Variants in GREM1 observed in about 807,000 individuals in gnomAD.
GREM1 encodes the protein gremlin 1, DAN family BMP antagonist, also known as gremlin-1.
Under a neutral mutation model 13.1 loss-of-function variants are expected in GREM1, and 6 were observed. The ratio of observed to expected loss-of-function variants is 0.46; its 90% CI spans 0.25 to 0.91. The LOEUF is 0.91. Ranked by LOEUF, GREM1 falls within the 40% of genes least tolerant of loss-of-function variation. The probability of loss-of-function intolerance (pLI) is 0.18; values close to 1 mark genes in which losing one functional copy is unlikely to be tolerated. For synonymous variants in GREM1, 98 were observed against 93.7 expected (o/e 1.05, Z -0.27); for missense variants, 185 against 233.9 (o/e 0.79, Z 1.36).
In GREM1 at chr15:32,731,907, G is replaced by T. The variant is rs559977997; in HGVS notation, c.*662G>T. The T allele has an allele frequency of 4.3e-6, 1 of 232,660 alleles. No homozygotes were observed. The highest frequency in any genetic ancestry group is 9.2e-6 in the Non-Finnish European group (1 of 108,458). The allele number at this position is 232,660 out of a possible 1,614,324, so 14.4% of individuals were successfully genotyped here. On this transcript the variant is annotated 3_prime_UTR_variant, in exon 2 of 2. Transcript: ENST00000651154. The stretch of plus-strand genomic sequence containing the variant: ...AGGATAGTGGAGTGAGAAAGGGAGG[G>T]TGGAGGGTGAGGCCAAATCAGGTCC...
At chr15:32,728,164 GA>G (rs1458514312) in intron 1 of GREM1, among the ~76,000 whole-genome samples, 6 of 152,108 alleles carry the variant, frequency 3.9e-5, no homozygotes, top group African/African-American at 1.4e-4. Flanking sequence ...ACTGAAAAAA[GA>G]GCCGGTATAG....
rs916656192 is a variant in GREM1, at chr15:32,738,731, T to G, written c.*7486T>G. ...CCCATAATCCCAGCACTTTGGGAAG[T>G]TGAGGCAGAAGGATCACTTGAGCAC... On this transcript the variant is annotated 3_prime_UTR_variant, in exon 2 of 2. Transcript: ENST00000651154. 1.6e-4 allele frequency: 24 copies of G among 152,196 alleles called. No homozygotes were observed. The highest frequency in any genetic ancestry group is 5.8e-4 in the African/African-American group (24 of 41,436). The allele number at this position is 152,196 out of a possible 1,614,324, so 9.4% of individuals were successfully genotyped here.
At chr15:32,718,553 C>A (rs1188164252) in intron 1 of GREM1, 3 of 440,398 alleles carry the variant, frequency 6.8e-6, no homozygotes, top group South Asian at 1.6e-5. Flanking sequence ...ACCTGCTAGT[C>A]GGCCGCTGAC....
chr15:32,720,368 C>A (rs2055385139), intron 1 of GREM1, among the ~76,000 whole-genome samples: 1 of 152,100 alleles, frequency 6.6e-6, no homozygotes, highest in South Asian at 2.1e-4. Context: ...TCTGAATGGT[C>A]AAGTATTAAA....
In GREM1 at chr15:32,730,810, G is replaced by A. The variant is rs367997246; in HGVS notation, c.120G>A (p.Gln40=). 4.5e-5 allele frequency: 73 copies of A among 1,613,976 alleles called. No homozygotes were observed. The highest frequency in any genetic ancestry group is 5.6e-5 in the Non-Finnish European group (66 of 1,180,006). The change falls in exon 2 of 2, where the codon CAG becomes CAA. Residue 40 remains glutamine, a synonymous_variant. Transcript: ENST00000651154. ...QGAIPPPDKA[Q]HNDSEQTQSP... is the part of the protein sequence containing the mutation. Reference sequence around the variant, plus strand: ...CCATCCCCCCGCCAGACAAGGCCCAGCACAATGACTCAGAGCAGACTCAGT... The same window carrying A: ...CCATCCCCCCGCCAGACAAGGCCCAACACAATGACTCAGAGCAGACTCAGT...
chr15:32,741,708 T>C lies in GREM1; in HGVS notation c.*10463T>C, dbSNP rs1007197213. 1 of 152,208 alleles carries C rather than the reference T, an allele frequency of 6.6e-6. No individual in the cohort carries two copies. The highest frequency in any genetic ancestry group is 1.5e-5 in the Non-Finnish European group (1 of 68,020). The allele number at this position is 152,208 out of a possible 1,614,324, so 9.4% of individuals were successfully genotyped here. A position where few individuals can be genotyped will look rare whatever the true frequency, so the allele number is the denominator to read the frequency against. ...TTTAGCTAGGACTTCCAGCACTAAA[T>C]TGAATAGAAGTGATGAGAGTGGGCA... On this transcript the variant is annotated 3_prime_UTR_variant, in exon 2 of 2. Transcript: ENST00000651154.
rs1040581788 is a variant in GREM1 at position 32,732,041 on chromosome 15, A to T, written c.*796A>T. ...AGTATTTAACAGAACCCAAGTGAAC[A>T]GAGGAGAAATGAGATTGCCAGAAAG... On this transcript the variant is annotated 3_prime_UTR_variant, in exon 2 of 2. Coordinates refer to ENST00000651154, the MANE Select transcript of GREM1 (RefSeq NM_013372.7). 6 of 234,398 alleles carry T rather than the reference A, an allele frequency of 2.6e-5. No individual in the cohort carries two copies. The highest frequency in any genetic ancestry group is 5.5e-5 in the Non-Finnish European group (6 of 109,454). 14.5% of individuals were successfully genotyped at this position (234,398 alleles called of 1,614,324 possible).
chr15:32,740,896 A>C lies in GREM1; in HGVS notation c.*9651A>C, dbSNP rs2055755259. 1 of 152,186 alleles carries C rather than the reference A, an allele frequency of 6.6e-6. No individual in the cohort carries two copies. Among genetic ancestry groups the C allele is most frequent in the African/African-American group, 2.4e-5 (1 of 41,456 alleles). The allele number at this position is 152,186 out of a possible 1,614,324, so 9.4% of individuals were successfully genotyped here. ...TTCAAGTTCATTTCTAAAATCAATC[A>C]TGGTGGCCAAACGGAATGAGCATTC... On this transcript the variant is annotated 3_prime_UTR_variant, in exon 2 of 2. Coordinates refer to ENST00000651154, the MANE Select transcript of GREM1 (RefSeq NM_013372.7).
rs2055735568 is a variant in GREM1, at chr15:32,738,733, G to A, written c.*7488G>A. ...CATAATCCCAGCACTTTGGGAAGTTGAGGCAGAAGGATCACTTGAGCACAG... is the reference window on the plus strand; with the variant it reads ...CATAATCCCAGCACTTTGGGAAGTTAAGGCAGAAGGATCACTTGAGCACAG... On this transcript the variant is annotated 3_prime_UTR_variant, in exon 2 of 2. Coordinates refer to ENST00000651154, the MANE Select transcript of GREM1 (RefSeq NM_013372.7). 1 of 152,234 alleles carries A rather than the reference G, an allele frequency of 6.6e-6. No homozygotes were observed. Among genetic ancestry groups the A allele is most frequent in the African/African-American group, 2.4e-5 (1 of 41,454 alleles). 9.4% of individuals were successfully genotyped at this position (152,234 alleles called of 1,614,324 possible). A position where few individuals can be genotyped will look rare whatever the true frequency, so the allele number is the denominator to read the frequency against.
chr15:32,738,159 G>GAAAAAAAAA lies in GREM1; in HGVS notation c.*6918_*6919insAAAAAAAAA, dbSNP rs2055729455. The GAAAAAAAAA allele has an allele frequency of 2.9e-5, 2 of 69,828 alleles. No individual in the cohort carries two copies. The highest frequency in any genetic ancestry group is 2.9e-5 in the Non-Finnish European group (1 of 34,080). 4.3% of individuals were successfully genotyped at this position (69,828 alleles called of 1,614,324 possible). ...GAAAAGAAAAAAGTCATCCAGATTG[G>GAAAAAAAAA]AAAAGAAATAAAATGATTTCAATTT... On this transcript the variant is annotated 3_prime_UTR_variant, in exon 2 of 2. Coordinates refer to ENST00000651154, the MANE Select transcript of GREM1 (RefSeq NM_013372.7).
chr15:32,722,315 T>A (rs556580154), intron 1 of GREM1, among the ~76,000 whole-genome samples: 1 of 152,372 alleles, frequency 6.6e-6, no homozygotes, highest in East Asian at 1.9e-4. Flanking sequence ...AATAATTTGA[T>A]GTCATGCCTA....
Position 32,735,761 on chromosome 15 carries a change from T to C in GREM1, c.*4516T>C, listed in dbSNP as rs1378847537. On this transcript the variant is annotated 3_prime_UTR_variant, in exon 2 of 2. Coordinates refer to ENST00000651154, the MANE Select transcript of GREM1 (RefSeq NM_013372.7). ...GAGTGGGACTTGACACGGAAGAGCA[T>C]TTCAAGCTTAAGAAAAAAAAAAAAA... 1 of 121,946 alleles carries C rather than the reference T, an allele frequency of 8.2e-6. No individual in the cohort carries two copies. Among genetic ancestry groups the C allele is most frequent in the Admixed American group, 9.1e-5 (1 of 10,970 alleles). The allele number at this position is 121,946 out of a possible 1,614,324, so 7.6% of individuals were successfully genotyped here.
In GREM1 at chr15:32,736,808, C is replaced by G. The variant is rs2055702957; in HGVS notation, c.*5563C>G. On this transcript the variant is annotated 3_prime_UTR_variant, in exon 2 of 2. Transcript: ENST00000651154. The stretch of plus-strand genomic sequence containing the variant: ...ATGGCCCTGCCTGCATGTGGGAATC[C>G]TCATCCAAGTCATACTTTCTAAACA... The G allele has an allele frequency of 1.3e-5, 2 of 152,168 alleles. No individual in the cohort carries two copies. The highest frequency in any genetic ancestry group is 4.8e-5 in the African/African-American group (2 of 41,424). The allele number at this position is 152,168 out of a possible 1,614,324, so 9.4% of individuals were successfully genotyped here.
At chr15:32,718,671 A>C (rs2055345730) in intron 1 of GREM1, 1 of 358,446 alleles carries the variant, frequency 2.8e-6, no homozygotes, top group African/African-American at 2.1e-5. Context: ...CATCCGGAGA[A>C]TCCATGATGT....
chr15:32,732,479 T>C lies in GREM1; in HGVS notation c.*1234T>C, dbSNP rs1172076025. On this transcript the variant is annotated 3_prime_UTR_variant, in exon 2 of 2. Coordinates refer to ENST00000651154, the MANE Select transcript of GREM1 (RefSeq NM_013372.7). ...TTTTGTTTTAACTATTGTCAGGAGA[T>C]TGGGCTAAAGAGAAGACGACGAGAG... The C allele has an allele frequency of 4.1e-6, 1 of 245,226 alleles. No homozygotes were observed. Among genetic ancestry groups the C allele is most frequent in the Non-Finnish European group, 8.6e-6 (1 of 116,294 alleles). 15.2% of individuals were successfully genotyped at this position (245,226 alleles called of 1,614,324 possible).
chr15:32,729,207 G>T (rs1333263038), intron 1 of GREM1, among the ~76,000 whole-genome samples: 1 of 151,892 alleles, frequency 6.6e-6, no homozygotes, highest in African/African-American at 2.4e-5. Context: ...TGTATTTTTA[G>T]TAGAGATGGG....
chr15:32,719,885 G>A (rs1044486693), intron 1 of GREM1, among the ~76,000 whole-genome samples: 9 of 152,138 alleles, frequency 5.9e-5, no homozygotes, highest in African/African-American at 2.2e-4. Flanking sequence ...GGGAGCATGA[G>A]AGTCTTGAGG....
rs2055679184 is a variant in GREM1, at chr15:32,734,990, G to T, written c.*3745G>T. The T allele has an allele frequency of 1.3e-5, 2 of 153,106 alleles. No individual in the cohort carries two copies. The highest frequency in any genetic ancestry group is 4.1e-4 in the South Asian group (2 of 4,828). The allele number at this position is 153,106 out of a possible 1,614,324, so 9.5% of individuals were successfully genotyped here. ...AGAAATGATAATATCTTCATTTCAG[G>T]GTGTTCCAGGGGAAAAGCAGGAGAA... On this transcript the variant is annotated 3_prime_UTR_variant, in exon 2 of 2. Transcript: ENST00000651154.
chr15:32,733,385 C>G lies in GREM1; in HGVS notation c.*2140C>G, dbSNP rs1567114943. The G allele has an allele frequency of 4.4e-6, 1 of 226,912 alleles. No homozygotes were observed. The highest frequency in any genetic ancestry group is 5.9e-5 in the Admixed American group (1 of 17,004). The allele number at this position is 226,912 out of a possible 1,614,324, so 14.1% of individuals were successfully genotyped here. A position where few individuals can be genotyped will look rare whatever the true frequency, so the allele number is the denominator to read the frequency against. On this transcript the variant is annotated 3_prime_UTR_variant, in exon 2 of 2. Transcript: ENST00000651154. ...CAGAACCAGCAAACACTGAATTTCT[C>G]TTGTTGTTTTAACTCTGCCACAAGA...
Sources: gnomAD v4.1 joint callset for allele counts (sites outside exome capture counted in the v4.1 genomes callset) on GRCh38, gnomAD v4.1.1 for gene constraint, MANE v1.5 for transcripts, NCBI Gene and HGNC (gene_info 2026-07-23, HGNC 2026-07-21) for gene names.